The following MAP2K5 variants were observed in gnomAD, a reference collection of about 807,000 sequenced individuals.
The protein encoded by MAP2K5 is dual specificity mitogen-activated protein kinase kinase 5.
A neutral mutation model predicts 83.1 loss-of-function variants in MAP2K5; 49 were observed. That is an observed-to-expected ratio of 0.59 (90% CI 0.47 to 0.75). The LOEUF (loss-of-function observed/expected upper bound fraction) is 0.75. MAP2K5 is among the 30% of genes least tolerant of loss of function. The probability of loss-of-function intolerance (pLI) is 0.00; values close to 1 mark genes in which losing one functional copy is unlikely to be tolerated. For synonymous variants in MAP2K5, 202 were observed against 191.8 expected, an observed-to-expected ratio of 1.05 and a Z score of -0.44; for missense variants, 457 against 557.5, an observed-to-expected ratio of 0.82 and a Z score of 1.82.
rs1215145867 is a variant in MAP2K5 at position 67,638,403 on chromosome 15, C to T, written c.585+7476C>T. On this transcript the variant is annotated intron_variant, in intron 9 of 21. Transcript: ENST00000178640. This position sits in a 1 kb window ranked among gnomAD's most constrained non-coding sequence, Gnocchi z 4.5. ...CATGTTCCTGCAGAGGACATGATCT[C>T]ATTGTTTTTTATGACTGCATAGTAT... 6.6e-6 allele frequency among the ~76,000 whole-genome samples: 1 copy of T among 152,182 alleles called. No homozygotes were observed. The highest frequency in any genetic ancestry group is 1.5e-5 in the Non-Finnish European group (1 of 68,030).
chr15:67,586,814 A>G (rs2085301376), intron 5 of MAP2K5, 32 bp from the exon 6 acceptor site: 1 of 1,600,402 alleles, frequency 6.2e-7, no homozygotes, highest in African/African-American at 1.3e-5. Context: ...CTCAGAACAC[A>G]AGACTGATCA....
rs1433952539 is a variant in MAP2K5, at chr15:67,738,014, G to T, written c.1074+10069G>T. On this transcript the variant is annotated intron_variant, in intron 17 of 21. Transcript: ENST00000178640. The surrounding 1 kb of genome is among the most constrained non-coding windows in gnomAD (Gnocchi z 4.1). ...TTATAGGAGTGCATCACCATACCCG[G>T]CTAATTTTTGTATTTTTAATAGAGA... is the stretch of plus-strand genomic sequence containing the variant. Among the ~76,000 whole-genome samples, 3 of 151,774 alleles carry T rather than the reference G, an allele frequency of 2.0e-5. No individual in the cohort carries two copies. Among genetic ancestry groups the T allele is most frequent in the African/African-American group, 7.3e-5 (3 of 41,306 alleles).
Position 67,771,644 on chromosome 15 carries a change from T to C in MAP2K5, c.1197-1063T>C, listed in dbSNP as rs2090143721. Reference sequence around the variant, plus strand: ...CGAGACAGCTTGAATTAGTTGCTAATGGATGCAGTGTTTGAGAGGTGCATA... The same window carrying C: ...CGAGACAGCTTGAATTAGTTGCTAACGGATGCAGTGTTTGAGAGGTGCATA... On this transcript the variant is annotated intron_variant, in intron 20 of 21. Coordinates refer to ENST00000178640, the MANE Select transcript of MAP2K5 (RefSeq NM_145160.3). Among the ~76,000 whole-genome samples, 4 of 152,190 alleles carry C rather than the reference T, an allele frequency of 2.6e-5. No individual in the cohort carries two copies. In the South Asian group the frequency reaches 8.3e-4, roughly 31 times the overall value.
At chr15:67,622,995 G>T (rs1436721789) in intron 8 of MAP2K5, among the ~76,000 whole-genome samples, 3 of 152,152 alleles carry the variant, frequency 2.0e-5, no homozygotes, top group Non-Finnish European at 4.4e-5. Context: ...CCAGCTACTC[G>T]GGAGGCTGAG....
intron 21 of MAP2K5, among the ~76,000 whole-genome samples, chr15:67,806,084 T>G (rs922145588): frequency 6.6e-6 from 1 of 152,236 alleles, no homozygotes; most frequent in Non-Finnish European, 1.5e-5. Context: ...CCAGAGATCC[T>G]GTGCACAGCC....
chr15:67,595,473 A>T (rs1195249975), intron 7 of MAP2K5, among the ~76,000 whole-genome samples: 12 of 152,232 alleles, frequency 7.9e-5, no homozygotes, highest in African/African-American at 2.7e-4. Flanking sequence ...TCAGACCTTT[A>T]CATATAAAAT....
At chr15:67,578,257 G>A (rs1176489324) in intron 3 of MAP2K5, among the ~76,000 whole-genome samples, 1 of 152,148 alleles carries the variant, frequency 6.6e-6, no homozygotes, top group Admixed American at 6.5e-5. Context: ...CCTGGTGGCC[G>A]GTCAGGACTG....
At chr15:67,729,845 T>C (rs1047506691) in intron 17 of MAP2K5, among the ~76,000 whole-genome samples, 2 of 152,248 alleles carry the variant, frequency 1.3e-5, no homozygotes, top group Non-Finnish European at 2.9e-5. Flanking sequence ...GAGAAGAGGC[T>C]ATTTACCTTT....
chr15:67,790,106 A>G lies in MAP2K5; in HGVS notation c.1243-16540A>G, dbSNP rs928988234. 6.6e-6 allele frequency among the ~76,000 whole-genome samples: 1 copy of G among 151,930 alleles called. No individual in the cohort carries two copies. The highest frequency in any genetic ancestry group is 6.6e-5 in the Admixed American group (1 of 15,242). On this transcript the variant is annotated intron_variant, in intron 21 of 21. Transcript: ENST00000178640. The surrounding 1 kb of genome is among the most constrained non-coding windows in gnomAD (Gnocchi z 4.6). Reference sequence around the variant, plus strand: ...TTGTTTGGTTGTGTATCTTTCTTCCACTCTTAAAAAAGCAGGCTTGGAAAT... The same window carrying G: ...TTGTTTGGTTGTGTATCTTTCTTCCGCTCTTAAAAAAGCAGGCTTGGAAAT...
chr15:67,763,835 C>A (rs1038177051), intron 19 of MAP2K5, among the ~76,000 whole-genome samples: 1 of 152,134 alleles, frequency 6.6e-6, no homozygotes, highest in Non-Finnish European at 1.5e-5. Flanking sequence ...TACAAATGAC[C>A]TTTGATCCCA....
intron 12 of MAP2K5, among the ~76,000 whole-genome samples, chr15:67,664,333 CAAAAA>C (rs11395465): frequency 1.3e-5 from 1 of 74,090 alleles, no homozygotes; most frequent in African/African-American, 5.4e-5. Flanking sequence ...CTGTTTCTAC[CAAAAA>C]AAAAAAAAAA....
At chr15:67,639,440 C>T (rs1339780911) in intron 9 of MAP2K5, among the ~76,000 whole-genome samples, 3 of 152,172 alleles carry the variant, frequency 2.0e-5, no homozygotes, top group African/African-American at 7.2e-5. Context: ...TCCTGTTTTA[C>T]AAAAGCTGAG....
chr15:67,602,571 A>G (rs1463222024), intron 8 of MAP2K5, among the ~76,000 whole-genome samples: 3 of 152,230 alleles, frequency 2.0e-5, no homozygotes, highest in Non-Finnish European at 4.4e-5. Flanking sequence ...GCATAAGACC[A>G]TGAAACCCCA....
At chr15:67,593,013 A>G (rs1006847331) in intron 7 of MAP2K5, 39 bp downstream of exon 7, 1 of 1,322,982 alleles carries the variant, frequency 7.6e-7, no homozygotes, top group Non-Finnish European at 1.1e-6. Flanking sequence ...ACATAATAAT[A>G]ACATATTACC....
intron 8 of MAP2K5, among the ~76,000 whole-genome samples, chr15:67,618,532 G>A (rs2086107474): frequency 6.6e-6 from 1 of 152,136 alleles, no homozygotes; most frequent in African/African-American, 2.4e-5. Context: ...ACTCATATCT[G>A]ATTACCAGTT....
intron 17 of MAP2K5, among the ~76,000 whole-genome samples, chr15:67,731,732 TAC>T (rs1201064393): frequency 6.6e-6 from 1 of 152,156 alleles, no homozygotes; most frequent in African/African-American, 2.4e-5. Context: ...CAGGAATGGG[TAC>T]AGTTAGGTCT....
In MAP2K5 at chr15:67,746,969, T is replaced by G. The variant is rs571856756; in HGVS notation, c.1075-1262T>G. ...GGAACCAACATGTCAAAATGGATAA[T>G]TTATCAACAATACCATACCAAGTAT... On this transcript the variant is annotated intron_variant, in intron 17 of 21. Transcript: ENST00000178640. This position sits in a 1 kb window ranked among gnomAD's most constrained non-coding sequence, Gnocchi z 4.1. 1.2e-3 allele frequency among the ~76,000 whole-genome samples: 183 copies of G among 152,292 alleles called. No individual in the cohort carries two copies. The highest frequency in any genetic ancestry group is 4.3e-3 in the African/African-American group (180 of 41,562).
chr15:67,663,823 T>A (rs1246278600), intron 12 of MAP2K5, among the ~76,000 whole-genome samples: 1 of 152,162 alleles, frequency 6.6e-6, no homozygotes, highest in Non-Finnish European at 1.5e-5. Flanking sequence ...TACAGTGTGC[T>A]ATGATTGCAC....
intron 16 of MAP2K5, among the ~76,000 whole-genome samples, chr15:67,721,143 G>GT (rs113440700): frequency 0.018 from 2,658 of 151,544 alleles, 89 homozygotes; most frequent in African/African-American, 0.061. Context: ...TTCGTTTTTT[G>GT]TTTTTTTTAA....
Sources: gnomAD v4.1 joint callset for allele counts (sites outside exome capture counted in the v4.1 genomes callset) on GRCh38, gnomAD v4.1.1 for gene constraint, Gnocchi (gnomAD v3.1) non-coding constraint, MANE v1.5 for transcripts, NCBI Gene and HGNC (gene_info 2026-07-23, HGNC 2026-07-21) for gene names.